The following CMTM4 variants were observed in gnomAD, a reference collection of about 807,000 sequenced individuals.
The protein encoded by CMTM4 is CKLF like MARVEL transmembrane domain containing 4.
CMTM4 carries 8 observed loss-of-function variants against 19.0 expected under a neutral mutation model. The observed-to-expected ratio is 0.42, with a 90% CI of 0.25 to 0.76. The LOEUF (loss-of-function observed/expected upper bound fraction) is 0.76. Ranked by LOEUF, CMTM4 falls within the 30% of genes least tolerant of loss-of-function variation. The pLI, the probability that CMTM4 is intolerant of heterozygous loss-of-function variation, is 0.27. For synonymous variants in CMTM4, 106 were observed against 121.1 expected, an observed-to-expected ratio of 0.88 and a Z score of 0.82; for missense variants, 228 against 290.2, an observed-to-expected ratio of 0.79 and a Z score of 1.56.
chr16:66,624,914 C>A (rs932540490), intron 2 of CMTM4, among the ~76,000 whole-genome samples: 3 of 152,206 alleles, frequency 2.0e-5, no homozygotes, highest in Non-Finnish European at 4.4e-5. Context: ...CTATGACCTG[C>A]GTAAGCCAGG....
At chr16:66,644,160 C>G (rs995466296) in intron 1 of CMTM4, among the ~76,000 whole-genome samples, 35 of 152,162 alleles carry the variant, frequency 2.3e-4, no homozygotes. Flanking sequence ...GTCTGACAAT[C>G]CCAAATAAAA....
In CMTM4 at chr16:66,638,481, G is replaced by A. The variant is rs1217711055; in HGVS notation, c.187-1900C>T. On this transcript the variant is annotated intron_variant, in intron 1 of 3. Coordinates refer to ENST00000394106, the MANE Select transcript of CMTM4 (RefSeq NM_181521.3). ...CTTGGTCAAAGGATACAAAATTTCA[G>A]TTAGACAGGAAGAATAAGTTCAAGA... 2.6e-5 allele frequency among the ~76,000 whole-genome samples: 4 copies of A among 152,190 alleles called. No individual in the cohort carries two copies. In the East Asian group the frequency reaches 7.7e-4, roughly 29 times the overall value.
At chr16:66,609,724 T>C in the CMTM4 span, 3 of 1,558,414 alleles carry the variant, frequency 1.9e-6, no homozygotes, top group Non-Finnish European at 2.6e-6. This position sits in a 1 kb window ranked among gnomAD's most constrained non-coding sequence, Gnocchi z 4.4. Context: ...TCAAACCAAG[T>C]TCACAGCTCA....
chr16:66,629,290 C>T (rs780688508), intron 2 of CMTM4, among the ~76,000 whole-genome samples: 2 of 152,156 alleles, frequency 1.3e-5, no homozygotes, highest in East Asian at 1.9e-4. Flanking sequence ...TGCAAGCACT[C>T]GACCCATCCT....
intron 1 of CMTM4, among the ~76,000 whole-genome samples, chr16:66,652,101 T>C (rs1394619030): frequency 1.3e-5 from 2 of 152,106 alleles, no homozygotes; most frequent in East Asian, 1.9e-4. Context: ...GACTAATTAG[T>C]CAACAGTGAT....
intron 1 of CMTM4, among the ~76,000 whole-genome samples, chr16:66,658,348 G>A (rs901167084): frequency 2.0e-5 from 3 of 152,100 alleles, no homozygotes; most frequent in African/African-American, 7.2e-5. Flanking sequence ...CTGAAAACCA[G>A]GAGTTAGAGG....
At chr16:66,646,707 AT>A (rs199769115) in intron 1 of CMTM4, among the ~76,000 whole-genome samples, 474 of 138,840 alleles carry the variant, frequency 3.4e-3, no homozygotes, top group East Asian at 0.016. Flanking sequence ...CCATTCATGA[AT>A]TTTTTTTTTT....
At chr16:66,635,795 A>G (rs1254977292) in intron 2 of CMTM4, among the ~76,000 whole-genome samples, 1 of 152,192 alleles carries the variant, frequency 6.6e-6, no homozygotes, top group African/African-American at 2.4e-5. Flanking sequence ...CAGCACAGTA[A>G]GGACACAGTC....
chr16:66,682,862 G>T (rs1286750532), intron 1 of CMTM4, among the ~76,000 whole-genome samples: 1 of 152,030 alleles, frequency 6.6e-6, no homozygotes, highest in East Asian at 1.9e-4. Flanking sequence ...GTGTTAATCA[G>T]AAAGCAGACA....
At chr16:66,661,528 C>T (rs2016498437) in intron 1 of CMTM4, among the ~76,000 whole-genome samples, 2 of 152,092 alleles carry the variant, frequency 1.3e-5, no homozygotes, top group Admixed American at 6.5e-5. Context: ...AAAGTCTGTT[C>T]GCTAATATGA....
intron 2 of CMTM4, among the ~76,000 whole-genome samples, chr16:66,626,300 T>C (rs549114320): frequency 6.6e-6 from 1 of 151,782 alleles, no homozygotes; most frequent in Admixed American, 6.6e-5. Context: ...CTGGACCCCG[T>C]CTCTACTAAA....
At chr16:66,656,639 T>TA (rs113457228) in intron 1 of CMTM4, among the ~76,000 whole-genome samples, 7 of 151,752 alleles carry the variant, frequency 4.6e-5, no homozygotes, top group African/African-American at 1.7e-4. Context: ...AAAAAATACT[T>TA]ATTAACTACA....
the CMTM4 span, among the ~76,000 whole-genome samples, chr16:66,600,217 A>G: frequency 4.6e-3 from 667 of 145,888 alleles, 3 homozygotes; most frequent in African/African-American, 0.016. Context: ...ATCTCAGCTC[A>G]CTGCAACCTC....
chr16:66,663,259 T>C (rs1247601506), intron 1 of CMTM4, among the ~76,000 whole-genome samples: 1 of 152,122 alleles, frequency 6.6e-6, no homozygotes, highest in Non-Finnish European at 1.5e-5. Flanking sequence ...AAAATCTCAA[T>C]TCATATGGAA....
chr16:66,695,063 C>G (rs112473592), intron 1 of CMTM4, among the ~76,000 whole-genome samples: 54 of 152,186 alleles, frequency 3.5e-4, no homozygotes, highest in African/African-American at 1.2e-3. Context: ...AAAGGAGGAC[C>G]AGGCCTGGCA....
Position 66,616,296 on chromosome 16 carries a change from T to C in CMTM4, c.*5762A>G, listed in dbSNP as rs2015525657. 1 of 151,976 alleles carries C rather than the reference T, an allele frequency of 6.6e-6. No homozygotes were observed. Among genetic ancestry groups the C allele is most frequent in the Non-Finnish European group, 1.5e-5 (1 of 67,998 alleles). The allele number at this position is 151,976 out of a possible 1,614,324, so 9.4% of individuals were successfully genotyped here. Reference sequence around the variant, plus strand: ...AGAATTGCCTACTTTGAAAAAAAAATAGTCATACTTGTAAATAAATAGTTT... The same window carrying C: ...AGAATTGCCTACTTTGAAAAAAAAACAGTCATACTTGTAAATAAATAGTTT... On this transcript the variant is annotated 3_prime_UTR_variant, in exon 4 of 4. Transcript: ENST00000394106.
chr16:66,609,433 A>G, the CMTM4 span: 1 of 1,612,136 alleles, frequency 6.2e-7, no homozygotes, highest in Admixed American at 1.7e-5. This position sits in a 1 kb window ranked among gnomAD's most constrained non-coding sequence, Gnocchi z 4.4. Flanking sequence ...CTCTCTCCCC[A>G]GGACTTCCTG....
Position 66,621,392 on chromosome 16 carries a change from C to T in CMTM4, c.*666G>A, listed in dbSNP as rs900966107. ...CCCATAACAAGATGGCCCCCATATT[C>T]CTGGAGAAGAATCTGGGGTTCAGGA... On this transcript the variant is annotated 3_prime_UTR_variant, in exon 4 of 4. Coordinates refer to ENST00000394106, the MANE Select transcript of CMTM4 (RefSeq NM_181521.3). 1.0e-6 allele frequency: 1 copy of T among 985,770 alleles called. No homozygotes were observed. The highest frequency in any genetic ancestry group is 1.7e-5 in the African/African-American group (1 of 57,248). 61.1% of individuals were successfully genotyped at this position (985,770 alleles called of 1,614,324 possible).
chr16:66,617,261 C>T lies in CMTM4; in HGVS notation c.*4797G>A, dbSNP rs753991660. The T allele has an allele frequency of 6.2e-7, 1 of 1,612,406 alleles. No individual in the cohort carries two copies. Among genetic ancestry groups the T allele is most frequent in the East Asian group, 2.2e-5 (1 of 44,874 alleles). On this transcript the variant is annotated 3_prime_UTR_variant, in exon 4 of 4. Coordinates refer to ENST00000394106, the MANE Select transcript of CMTM4 (RefSeq NM_181521.3). The stretch of plus-strand genomic sequence containing the variant: ...GAAATAGATACACAGTTCAAGGACC[C>T]ATCATCTGAACTTTTCTAGGCAAGT...
Sources: allele counts gnomAD v4.1 joint callset (sites outside exome capture counted in the v4.1 genomes callset), GRCh38; gene constraint gnomAD v4.1.1; non-coding constraint Gnocchi (gnomAD v3.1); transcripts MANE v1.5; gene names NCBI Gene and HGNC (gene_info 2026-07-23, HGNC 2026-07-21).